The following TACC2 variants were observed in gnomAD, a reference collection of about 807,000 sequenced individuals.
The protein encoded by TACC2 is transforming acidic coiled-coil containing protein 2, also known as transforming acidic coiled-coil-containing protein 2.
TACC2 carries 137 observed loss-of-function variants against 227.3 expected under a neutral mutation model. The observed-to-expected ratio is 0.60, with a 90% CI of 0.52 to 0.69. The LOEUF (loss-of-function observed/expected upper bound fraction) is 0.69. Ranked by LOEUF, TACC2 falls within the 30% of genes least tolerant of loss-of-function variation. The probability of loss-of-function intolerance (pLI) is 0.00; values close to 1 mark genes in which losing one functional copy is unlikely to be tolerated. For missense variants in TACC2, 3,470 were observed against 3,694.4 expected (o/e 0.94, Z 1.57); for synonymous variants, 1,523 against 1,487.5 (o/e 1.02, Z -0.55).
In TACC2 at chr10:122,226,245, A is replaced by G. The variant is rs1038575509; in HGVS notation, c.7609-121A>G. ...CTCCTCTCTTCCTGGTGGCTCCAGA[A>G]CAATGAAGGCTTTTCCCTGATGGGT... On this transcript the variant is annotated intron_variant, in intron 12 of 22. Coordinates refer to ENST00000369005, the MANE Select transcript of TACC2 (RefSeq NM_206862.4). 5.8e-6 allele frequency: 4 copies of G among 695,102 alleles called. No homozygotes were observed. The African/African-American group carries it at 7.1e-5, about 12-fold the overall frequency. The allele number at this position is 695,102 out of a possible 1,614,324, so 43.1% of individuals were successfully genotyped here.
chr10:122,045,110 C>T (rs927459195), intron 2 of TACC2, among the ~76,000 whole-genome samples: 7 of 152,104 alleles, frequency 4.6e-5, no homozygotes, highest in East Asian at 1.9e-4. Flanking sequence ...GCTGAGGGTA[C>T]GTCTTTCGAT....
intron 3 of TACC2, among the ~76,000 whole-genome samples, chr10:122,077,466 G>A (rs1464785933): frequency 6.6e-6 from 1 of 151,922 alleles, no homozygotes; most frequent in Admixed American, 6.6e-5. Flanking sequence ...ACCCTGAGAA[G>A]CGAAGAGTGG....
intron 3 of TACC2, among the ~76,000 whole-genome samples, chr10:122,060,745 C>G (rs1428772161): frequency 1.3e-5 from 2 of 152,216 alleles, no homozygotes; most frequent in African/African-American, 4.8e-5. Flanking sequence ...TGGCTCATGT[C>G]TGTAATCCCA....
intron 14 of TACC2, 106 bp downstream of exon 14, chr10:122,228,114 G>T: frequency 8.1e-7 from 1 of 1,228,532 alleles, no homozygotes; most frequent in Non-Finnish European, 1.1e-6. Context: ...CCTGGCACCT[G>T]CCATGGGTCC....
intron 5 of TACC2, among the ~76,000 whole-genome samples, chr10:122,126,551 C>A (rs535094343): frequency 7.9e-5 from 12 of 152,142 alleles, no homozygotes; most frequent in Non-Finnish European, 1.5e-4. Flanking sequence ...GTCCAACCAC[C>A]TTCTGTATAT....
At chr10:122,003,751 G>A (rs1186376230) in intron 1 of TACC2, among the ~76,000 whole-genome samples, 1 of 151,952 alleles carries the variant, frequency 6.6e-6, no homozygotes, top group Admixed American at 6.6e-5. Flanking sequence ...TGCCTCCCGG[G>A]TTCATGCCAT....
rs57146397 is a variant in TACC2, at chr10:122,219,463, C to T, written c.7546+2635C>T. On this transcript the variant is annotated intron_variant, in intron 11 of 22. Transcript: ENST00000369005. ...TCATCTCTGTTCCTCACAGCACCCT[C>T]AACGTCGTAGGGGCTAAAGACAGGT... 7.3e-3 allele frequency among the ~76,000 whole-genome samples: 1,117 copies of T among 152,310 alleles called. 19 individuals carry two copies. Among genetic ancestry groups the T allele is most frequent in the African/African-American group, 0.026 (1,068 of 41,560 alleles).
intron 2 of TACC2, among the ~76,000 whole-genome samples, chr10:122,039,331 C>A (rs1236028843): frequency 6.6e-6 from 1 of 152,114 alleles, no homozygotes; most frequent in Non-Finnish European, 1.5e-5. Context: ...AAATCAGCCT[C>A]CCCTTGAGAG....
At chr10:122,102,750 G>A (rs1008143225) in intron 5 of TACC2, among the ~76,000 whole-genome samples, 1 of 152,178 alleles carries the variant, frequency 6.6e-6, no homozygotes. Flanking sequence ...TCCGAGCAGT[G>A]CAGACCTGGC....
At position 122,141,885 on chromosome 10, in the gene TACC2, C is replaced by A. The variant is rs185220164; in HGVS notation, c.5700-1687C>A. On this transcript the variant is annotated intron_variant, in intron 6 of 22. Coordinates refer to ENST00000369005, the MANE Select transcript of TACC2 (RefSeq NM_206862.4). This position sits in a 1 kb window ranked among gnomAD's most constrained non-coding sequence, Gnocchi z 4.3. ...AAAGCGAAGTTAGACTAGTAGTTTG[C>A]GTTTGTAAGTGGTCCATTTGCCGAT... Among the ~76,000 whole-genome samples, 1 of 152,144 alleles carries A rather than the reference C, an allele frequency of 6.6e-6. No homozygotes were observed. Among genetic ancestry groups the A allele is most frequent in the Non-Finnish European group, 1.5e-5 (1 of 68,036 alleles).
At chr10:122,012,894 G>A (rs1246193348) in intron 1 of TACC2, among the ~76,000 whole-genome samples, 1 of 152,148 alleles carries the variant, frequency 6.6e-6, no homozygotes, top group Non-Finnish European at 1.5e-5. Context: ...GCTACTGCCT[G>A]GGTGAAGCAG....
chr10:122,085,290 G>A lies in TACC2; in HGVS notation c.2790G>A (p.Glu930=). The A allele has an allele frequency of 6.2e-7, 1 of 1,614,058 alleles. No individual in the cohort carries two copies. The highest frequency in any genetic ancestry group is 8.5e-7 in the Non-Finnish European group (1 of 1,180,042). Residue 930 remains glutamate, a synonymous_variant, in exon 4 of 23, where the codon GAG becomes GAA. Coordinates refer to ENST00000369005, the MANE Select transcript of TACC2 (RefSeq NM_206862.4). ...DMVWESSLTE[E]SELSAPTRQK... ...TTTGGGAGAGTTCTCTGACAGAAGA[G>A]TCAGAATTGTCAGCACCAACGAGAC...
intron 16 of TACC2, among the ~76,000 whole-genome samples, chr10:122,236,788 C>T (rs929888758): frequency 6.6e-6 from 1 of 152,202 alleles, no homozygotes; most frequent in Admixed American, 6.5e-5. Flanking sequence ...AGAACTCTTA[C>T]ATAACTCTAA....
intron 5 of TACC2, among the ~76,000 whole-genome samples, chr10:122,111,656 A>AT (rs370548871): frequency 0.014 from 2,091 of 147,582 alleles, 29 homozygotes; most frequent in East Asian, 0.041. Flanking sequence ...ATGCCCAGCT[A>AT]TTTTTTTTTT....
chr10:122,165,085 G>T (rs539497725), intron 7 of TACC2, among the ~76,000 whole-genome samples: 2 of 152,128 alleles, frequency 1.3e-5, no homozygotes, highest in Admixed American at 1.3e-4. Context: ...TTCCGAGCAG[G>T]TGTGCACCCA....
rs556551802 is a variant in TACC2 at position 122,211,053 on chromosome 10, G to C, written c.6628G>C (p.Ala2210Pro). 6 of 1,612,910 alleles carry C rather than the reference G, an allele frequency of 3.7e-6. No individual in the cohort carries two copies. The highest frequency in any genetic ancestry group is 1.7e-4 in the Middle Eastern group (1 of 6,050). ...KAACPLDSES[A>P]EGVVPPASGG... ...TGCCTGCCCTCTGGACTCAGAGAGT[G>C]CAGAAGGGGTTGTCCCCCCGGCTTC... The change falls in exon 9 of 23, where the codon GCA becomes CCA. Residue 2210 changes from alanine to proline, a missense_variant. Physicochemically the swap from Ala to Pro is conservative, Grantham distance 27. Around this residue, in one of 10 missense-constraint regions of TACC2, gnomAD observed 593 missense variants for 636.6 expected, o/e 0.93. Coordinates refer to ENST00000369005, the MANE Select transcript of TACC2 (RefSeq NM_206862.4).
At chr10:122,031,868 C>T (rs1298307617) in intron 2 of TACC2, among the ~76,000 whole-genome samples, 1 of 152,074 alleles carries the variant, frequency 6.6e-6, no homozygotes, top group East Asian at 1.9e-4. Context: ...CCACACCTGG[C>T]TAATTTTTGT....
At chr10:122,028,813 CTTCTG>C (rs1403839383) in intron 2 of TACC2, among the ~76,000 whole-genome samples, 16 of 59,366 alleles carry the variant, frequency 2.7e-4, no homozygotes, top group African/African-American at 1.2e-3. Flanking sequence ...CTCCCCTCCC[CTTCTG>C]TTCCCTTCCC....
At chr10:122,125,618 A>G (rs761896875) in intron 5 of TACC2, among the ~76,000 whole-genome samples, 7 of 152,140 alleles carry the variant, frequency 4.6e-5, no homozygotes, top group Non-Finnish European at 8.8e-5. Flanking sequence ...ACAGAAGTGA[A>G]GCTCTGCCAC....
Sources: gnomAD v4.1 joint callset for allele counts (sites outside exome capture counted in the v4.1 genomes callset) on GRCh38, gnomAD v4.1.1 for gene constraint, gnomAD v4.1.1 regional missense constraint, Gnocchi (gnomAD v3.1) non-coding constraint, MANE v1.5 for transcripts, NCBI Gene and HGNC (gene_info 2026-07-23, HGNC 2026-07-21) for gene names.